CPNE5: variants seen among roughly 807,000 people sequenced by gnomAD.
The protein encoded by CPNE5 is copine 5.
In CPNE5, 42 loss-of-function variants were observed where a neutral mutation model predicts 81.1. That is an observed-to-expected ratio of 0.52 (90% CI 0.40 to 0.67). The LOEUF (loss-of-function observed/expected upper bound fraction) is 0.67. Among genes scored for constraint, CPNE5 ranks in the 30% least tolerant of loss-of-function variants. The pLI, the probability that CPNE5 is intolerant of heterozygous loss-of-function variation, is 0.00. For synonymous variants in CPNE5, 313 were observed against 321.5 expected, an observed-to-expected ratio of 0.97 and a Z score of 0.28; for missense variants, 612 against 815.5, an observed-to-expected ratio of 0.75 and a Z score of 3.04.
intron 8 of CPNE5, among the ~76,000 whole-genome samples, chr6:36,782,868 C>CACACACAA (rs1250161980): frequency 4.4e-4 from 63 of 142,056 alleles, no homozygotes; most frequent in African/African-American, 1.6e-3. Flanking sequence ...CACACACACA[C>CACACACAA]AAAACGGCAC....
Position 36,798,954 on chromosome 6 carries a change from G to C in CPNE5, c.288-460C>G, listed in dbSNP as rs75859238. 7.2e-3 allele frequency among the ~76,000 whole-genome samples: 1,090 copies of C among 152,112 alleles called. 10 individuals carry two copies. Among genetic ancestry groups the C allele is most frequent in the Middle Eastern group, 0.037 (11 of 294 alleles). On this transcript the variant is annotated intron_variant, in intron 4 of 20. Coordinates refer to ENST00000244751, the MANE Select transcript of CPNE5 (RefSeq NM_020939.2). ...TCCCTTATAGCTTCACCCTACCCAG[G>C]CCTGCCCAGCTTGCCCACAGGCCTG... is the stretch of plus-strand genomic sequence containing the variant.
At chr6:36,817,975 A>T (rs781156414) in intron 3 of CPNE5, among the ~76,000 whole-genome samples, 6 of 151,872 alleles carry the variant, frequency 4.0e-5, no homozygotes, top group African/African-American at 1.5e-4. Context: ...CCTTTATTAC[A>T]TCCCTCAACA....
intron 8 of CPNE5, among the ~76,000 whole-genome samples, chr6:36,788,327 G>A (rs777406956): frequency 3.3e-5 from 5 of 152,134 alleles, no homozygotes; most frequent in South Asian, 2.1e-4. Flanking sequence ...GATTATAGGC[G>A]TGAACCCCAA....
intron 12 of CPNE5, 138 bp from the exon 13 acceptor site, chr6:36,756,436 G>C (rs1476711152): frequency 1.3e-5 from 9 of 677,862 alleles, no homozygotes; most frequent in Non-Finnish European, 1.8e-5. Context: ...GGGGCCAGGG[G>C]AGAAGGGTTT....
chr6:36,786,653 C>T (rs1768581241), intron 8 of CPNE5, among the ~76,000 whole-genome samples: 1 of 152,142 alleles, frequency 6.6e-6, no homozygotes, highest in Non-Finnish European at 1.5e-5. Flanking sequence ...AAAAGAACAG[C>T]TTTGATAAAT....
chr6:36,838,834 G>T, intron 1 of CPNE5: 2 of 723,890 alleles, frequency 2.8e-6, no homozygotes, highest in Non-Finnish European at 3.4e-6. Context: ...GGATGCTGGG[G>T]CAAAGAAGGG....
chr6:36,779,798 A>G (rs1274608946), intron 8 of CPNE5, among the ~76,000 whole-genome samples: 2 of 152,148 alleles, frequency 1.3e-5, no homozygotes, highest in East Asian at 1.9e-4. Flanking sequence ...CACTGGGCAG[A>G]GATGTCCCTG....
chr6:36,826,949 C>G (rs1385837976), intron 1 of CPNE5, among the ~76,000 whole-genome samples: 1 of 152,140 alleles, frequency 6.6e-6, no homozygotes, highest in East Asian at 1.9e-4. Flanking sequence ...ATATGTGGAG[C>G]ACCTGGGACC....
chr6:36,828,298 A>G (rs1018216965), intron 1 of CPNE5, among the ~76,000 whole-genome samples: 5 of 145,506 alleles, frequency 3.4e-5, no homozygotes, highest in African/African-American at 1.3e-4. Flanking sequence ...CTAAAACAAC[A>G]ACAACAAACC....
rs549640485 is a variant in CPNE5, at chr6:36,744,690, C to G, written c.1431+358G>C. On this transcript the variant is annotated intron_variant, in intron 18 of 20. Transcript: ENST00000244751. ...CACTCCTTTGACCTGGCCAGGCTGG[C>G]CTGGGAAAGGGGGAAGCGGTCCTAG... 1.4e-4 allele frequency among the ~76,000 whole-genome samples: 22 copies of G among 152,276 alleles called. No individual in the cohort carries two copies. In the South Asian group the frequency reaches 4.6e-3, roughly 32 times the overall value.
intron 1 of CPNE5, among the ~76,000 whole-genome samples, chr6:36,828,868 C>G (rs1040430281): frequency 3.3e-5 from 5 of 152,290 alleles, no homozygotes; most frequent in African/African-American, 1.2e-4. Flanking sequence ...CCCTTACTTG[C>G]TATATGACCT....
chr6:36,755,511 A>ATG (rs33970639), intron 13 of CPNE5: 42,468 of 145,090 alleles, frequency 0.29, 6,456 homozygotes, highest in Middle Eastern at 0.34. Context: ...ACACACAGGC[A>ATG]TGTGTGTGTG....
At chr6:36,789,031 A>G (rs1200719724) in intron 8 of CPNE5, among the ~76,000 whole-genome samples, 1 of 152,142 alleles carries the variant, frequency 6.6e-6, no homozygotes, top group East Asian at 1.9e-4. Context: ...TGATCCTCCC[A>G]CTGAATGCTG....
At chr6:36,818,689 C>T (rs996020090) in intron 3 of CPNE5, among the ~76,000 whole-genome samples, 1 of 152,216 alleles carries the variant, frequency 6.6e-6, no homozygotes, top group African/African-American at 2.4e-5. Context: ...GGCCCCACCT[C>T]CAGAAAGGGC....
At chr6:36,827,771 C>G (rs1048323911) in intron 1 of CPNE5, 23 of 984,870 alleles carry the variant, frequency 2.3e-5, no homozygotes, top group Non-Finnish European at 2.7e-5. Flanking sequence ...ACGAAGGGCC[C>G]GAGACACCAG....
At position 36,742,292 on chromosome 6, in the gene CPNE5, C is replaced by A. The variant is rs150763631; in HGVS notation, c.1758G>T (p.Ala586=). 2.1e-3 allele frequency: 3,314 copies of A among 1,598,008 alleles called. 51 individuals carry two copies. The African/African-American group carries it at 0.039, about 19-fold the overall frequency. Residue 586 remains alanine (A), a synonymous_variant, in exon 21 of 21, where the codon GCG becomes GCT. Transcript: ENST00000244751. ...TTCAGATGTGCGTGTGCAGGGGGGA[C>A]GCAGGGGGCGTGCGGGCTGGGGACT... is the stretch of plus-strand genomic sequence containing the variant. ...PSQSPARTPP[A]SPLHTHI
At chr6:36,781,620 T>C (rs1768041338) in intron 8 of CPNE5, among the ~76,000 whole-genome samples, 1 of 151,832 alleles carries the variant, frequency 6.6e-6, no homozygotes, top group African/African-American at 2.4e-5. Flanking sequence ...ACACTTTAAA[T>C]GCCCCCCTAG....
chr6:36,794,701 C>A (rs1027629698), intron 6 of CPNE5, 52 bp from the exon 7 acceptor site: 88 of 1,521,478 alleles, frequency 5.8e-5, no homozygotes, highest in Non-Finnish European at 7.5e-5. Flanking sequence ...GTACCCCCAC[C>A]CAGACAGGCC....
At chr6:36,813,566 A>G (rs2150567191) in intron 3 of CPNE5, among the ~76,000 whole-genome samples, 1 of 152,302 alleles carries the variant, frequency 6.6e-6, no homozygotes, top group South Asian at 2.1e-4. Context: ...GTAGCTTAGC[A>G]TCACACTTAG....
Sources: gnomAD v4.1 joint callset for allele counts (sites outside exome capture counted in the v4.1 genomes callset) on GRCh38, gnomAD v4.1.1 for gene constraint, MANE v1.5 for transcripts, NCBI Gene and HGNC (gene_info 2026-07-23, HGNC 2026-07-21) for gene names.